ADD2: variants seen among roughly 807,000 people sequenced by gnomAD.
ADD2 encodes adducin 2.
ADD2 carries 23 observed loss-of-function variants against 83.0 expected under a neutral mutation model. That is an observed-to-expected ratio of 0.28 (90% CI 0.20 to 0.39). The LOEUF (loss-of-function observed/expected upper bound fraction) is 0.39, where lower values mean the gene tolerates loss of function less well. Ranked by LOEUF, ADD2 falls within the 10% of genes least tolerant of loss-of-function variation. ADD2 has a pLI of 1.00. For missense variants in ADD2, 758 were observed against 944.9 expected, an observed-to-expected ratio of 0.80 and a Z score of 2.59; for synonymous variants, 375 against 375.4, an observed-to-expected ratio of 1.00 and a Z score of 0.01.
At chr2:70,710,748 C>T (rs1232884820) in intron 2 of ADD2, among the ~76,000 whole-genome samples, 4 of 152,240 alleles carry the variant, frequency 2.6e-5, no homozygotes, top group East Asian at 1.9e-4. Flanking sequence ...TCTGTGCCTC[C>T]GTTTCCCCAC....
intron 1 of ADD2, among the ~76,000 whole-genome samples, chr2:70,725,730 T>C (rs564504970): frequency 2.0e-5 from 3 of 152,044 alleles, no homozygotes; most frequent in Non-Finnish European, 4.4e-5. Flanking sequence ...ACCGACACCA[T>C]GAGTTTGGAC....
At chr2:70,747,416 A>ACG in intron 1 of ADD2, among the ~76,000 whole-genome samples, 1 of 140,926 alleles carries the variant, frequency 7.1e-6, no homozygotes, top group Non-Finnish European at 1.5e-5. Flanking sequence ...CCATCATGCC[A>ACG]TGTGCTCTCC....
chr2:70,724,839 G>A lies in ADD2; in HGVS notation c.-153-11655C>T, dbSNP rs1399251237. Among the ~76,000 whole-genome samples the A allele has an allele frequency of 2.0e-5, 3 of 152,214 alleles. No homozygotes were observed. In the East Asian group the frequency reaches 5.8e-4, roughly 29 times the overall value. ...CCCCAAACTTTACACAGTATTGGGT[G>A]TGGACAGGACAGATGCCCACACTGT... On this transcript the variant is annotated intron_variant, in intron 1 of 15. Coordinates refer to ENST00000264436, the MANE Select transcript of ADD2 (RefSeq NM_001617.4).
rs1392010874 is a variant in ADD2 at position 70,692,540 on chromosome 2, T to A, written c.568A>T (p.Ile190Phe). The change falls in exon 7 of 16, where the codon ATT (isoleucine) becomes TTT (phenylalanine). Residue 190 changes from isoleucine to phenylalanine, a missense_variant. Transcript: ENST00000264436. ...CCCTTCTCCACCACCTCTCCCAGAA[T>A]GTTCACCTTGATCTGCGCCAGGGAA... The part of the protein sequence containing the change: ...VTASSLIKVN[I>F]LGEVVEKGSS... 6.8e-6 allele frequency: 11 copies of A among 1,606,498 alleles called. No homozygotes were observed. Among genetic ancestry groups the A allele is most frequent in the Non-Finnish European group, 9.3e-6 (11 of 1,176,958 alleles).
chr2:70,659,437 T>G lies in ADD2; in HGVS notation c.*3988A>C, dbSNP rs1273988768. The G allele has an allele frequency of 5.3e-5, 8 of 152,196 alleles. No homozygotes were observed. Among genetic ancestry groups the G allele is most frequent in the Admixed American group, 5.2e-4 (8 of 15,278 alleles). The allele number at this position is 152,196 out of a possible 1,614,324, so 9.4% of individuals were successfully genotyped here. On this transcript the variant is annotated 3_prime_UTR_variant, in exon 16 of 16. Transcript: ENST00000264436. ...TCACCATGAGCAAGTGACGGTATCA[T>G]CCACAGGGAATGGGATTCAAATTCA...
At chr2:70,747,465 C>CCCATCATGCCATGTGCTTTT (rs1674276425) in intron 1 of ADD2, among the ~76,000 whole-genome samples, 1 of 150,622 alleles carries the variant, frequency 6.6e-6, no homozygotes, top group South Asian at 2.1e-4. Context: ...CATGTGCTTT[C>CCCATCATGCCATGTGCTTTT]CCATCATGCC....
At chr2:70,704,263 T>TGGCCCCCCCCCCCCCCCCCCCCCCC in intron 4 of ADD2, 58 bp downstream of exon 4, 66 of 913,200 alleles carry the variant, frequency 7.2e-5, no homozygotes, top group Admixed American at 1.1e-4. Flanking sequence ...CTCCCTCTCT[T>TGGCCCCCCCCCCCCCCCCCCCCCCC]CCCCACCCCA....
At chr2:70,725,842 G>A (rs1672965564) in intron 1 of ADD2, among the ~76,000 whole-genome samples, 1 of 152,114 alleles carries the variant, frequency 6.6e-6, no homozygotes, top group Non-Finnish European at 1.5e-5. Flanking sequence ...GCAGGTCTGG[G>A]GTGAGGGCTG....
At chr2:70,766,917 T>C (rs1174297664) in intron 1 of ADD2, among the ~76,000 whole-genome samples, 1 of 152,212 alleles carries the variant, frequency 6.6e-6, no homozygotes, top group East Asian at 1.9e-4. Context: ...TTTTAAAGAA[T>C]TTGATAGGGT....
At chr2:70,759,502 T>C (rs987575536) in intron 1 of ADD2, among the ~76,000 whole-genome samples, 14 of 152,080 alleles carry the variant, frequency 9.2e-5, no homozygotes, top group Admixed American at 9.2e-4. Context: ...AGGGGGTACC[T>C]GGTGGGAGGT....
chr2:70,683,547 A>C (rs1553369922), intron 10 of ADD2, 44 bp downstream of exon 10: 1 of 1,573,334 alleles, frequency 6.4e-7, no homozygotes, highest in South Asian at 1.2e-5. Flanking sequence ...CAGGGGGCTA[A>C]GCCTCAATGG....
rs782399685 is a variant in ADD2, at chr2:70,706,244, G to A, written c.165C>T (p.Thr55=). The A allele has an allele frequency of 4.3e-6, 7 of 1,613,888 alleles. No homozygotes were observed. The East Asian group carries it at 1.6e-4, about 36-fold the overall frequency. Residue 55 remains threonine, a synonymous_variant, in exon 3 of 16, where the codon ACC becomes ACT. Coordinates refer to ENST00000264436, the MANE Select transcript of ADD2 (RefSeq NM_001617.4). This position sits in a 1 kb window ranked among gnomAD's most constrained non-coding sequence, Gnocchi z 5.0. ...CACTCACGGGACTCTGCAGGATCATGGTGACGCGCTTCTTCTGCTCCATCA... is the reference window on the plus strand; with the variant it reads ...CACTCACGGGACTCTGCAGGATCATAGTGACGCGCTTCTTCTGCTCCATCA... ...FNLMEQKKRV[T]MILQSPSFRE... is the part of the protein sequence containing the mutation.
At chr2:70,761,105 T>C (rs953878154) in intron 1 of ADD2, among the ~76,000 whole-genome samples, 40 of 152,272 alleles carry the variant, frequency 2.6e-4, no homozygotes, top group Admixed American at 2.0e-4. Flanking sequence ...AAAATGAAGA[T>C]TGAGCATAGG....
chr2:70,696,953 G>A (rs1431954104), intron 4 of ADD2, among the ~76,000 whole-genome samples: 1 of 152,102 alleles, frequency 6.6e-6, no homozygotes. Flanking sequence ...AAGGTCGAGA[G>A]ATCAAGACCA....
At chr2:70,673,897 T>G (rs1406215466) in intron 14 of ADD2, among the ~76,000 whole-genome samples, 3 of 152,140 alleles carry the variant, frequency 2.0e-5, no homozygotes, top group African/African-American at 7.2e-5. Flanking sequence ...CAGCAAGGGT[T>G]TTTTAAGTGT....
chr2:70,690,810 C>G lies in ADD2; in HGVS notation c.825G>C (p.Gln275His). The G allele has an allele frequency of 6.2e-7, 1 of 1,614,070 alleles. No individual in the cohort carries two copies. Among genetic ancestry groups the G allele is most frequent in the South Asian group, 1.1e-5 (1 of 91,062 alleles). The change falls in exon 8 of 16, where the codon CAG becomes CAC. Residue 275 changes from glutamine (Q) to histidine (H), a missense_variant. By Grantham distance (24) the Gln-to-His change is conservative. This residue lies in a region of ADD2 where 394 missense variants were observed against 509.3 expected (regional missense o/e 0.77). Coordinates refer to ENST00000264436, the MANE Select transcript of ADD2 (RefSeq NM_001617.4). The stretch of plus-strand genomic sequence containing the variant: ...CCTTGCAGGTGGGTCCAAGGCACTT[C>G]TGCAGGTTGATCCGATCGGCTTCCT... Reference protein sequence around the residue: ...MEQEADRINLQKCLGPTCKIL... With the variant: ...MEQEADRINLHKCLGPTCKIL...
At chr2:70,704,119 T>C (rs1468353019) in intron 4 of ADD2, among the ~76,000 whole-genome samples, 2 of 152,170 alleles carry the variant, frequency 1.3e-5, no homozygotes, top group African/African-American at 4.8e-5. Context: ...GTAATTTTTC[T>C]GTGGACGTTT....
At chr2:70,712,486 C>A (rs1249882807) in intron 2 of ADD2, among the ~76,000 whole-genome samples, 1 of 150,304 alleles carries the variant, frequency 6.7e-6, no homozygotes, top group Non-Finnish European at 1.5e-5. Flanking sequence ...GAAACTGAAT[C>A]ACAAAGAGAT....
At chr2:70,670,753 C>T (rs4308144) in intron 15 of ADD2, among the ~76,000 whole-genome samples, 22,651 of 152,088 alleles carry the variant, frequency 0.15, 1,839 homozygotes, top group African/African-American at 0.23. Context: ...GCCCAGGAGT[C>T]CAGCAAGCCT....
Sources: allele counts gnomAD v4.1 joint callset (sites outside exome capture counted in the v4.1 genomes callset), GRCh38; gene constraint gnomAD v4.1.1; regional missense constraint gnomAD v4.1.1; non-coding constraint Gnocchi (gnomAD v3.1); transcripts MANE v1.5; gene names NCBI Gene and HGNC (gene_info 2026-07-23, HGNC 2026-07-21).